The following CCDC171 variants were observed in gnomAD, a reference collection of about 807,000 sequenced individuals.
CCDC171 encodes the protein coiled-coil domain containing 171.
A neutral mutation model predicts 168.2 loss-of-function variants in CCDC171; 177 were observed. The ratio of observed to expected loss-of-function variants is 1.05; its 90% CI spans 0.93 to 1.19. The LOEUF is 1.19. Ranked by LOEUF, CCDC171 falls within the 50% of genes most tolerant of loss-of-function variation. The probability of loss-of-function intolerance (pLI) is 0.00; values close to 1 mark genes in which losing one functional copy is unlikely to be tolerated. For missense variants in CCDC171, 1,991 were observed against 1,539.0 expected (o/e 1.29, Z -4.91); for synonymous variants, 687 against 540.8 (o/e 1.27, Z -3.75).
rs570497438 is a variant in CCDC171 at position 15,692,759 on chromosome 9, C to G, written c.1216-2476C>G. ...AGCCCGTATGATGTGGATCTCCTGA[C>G]CTCGTGATCCACGCGCCTCGGCCTC... On this transcript the variant is annotated intron_variant, in intron 10 of 25. Transcript: ENST00000380701. Among the ~76,000 whole-genome samples the G allele has an allele frequency of 5.9e-5, 9 of 151,774 alleles. No homozygotes were observed. In the South Asian group the frequency reaches 1.2e-3, roughly 21 times the overall value.
chr9:15,757,208 T>G (rs1021549606), intron 18 of CCDC171, among the ~76,000 whole-genome samples: 13 of 152,350 alleles, frequency 8.5e-5, no homozygotes, highest in African/African-American at 3.1e-4. Flanking sequence ...AATTTGGAAC[T>G]TCTTAGAGAC....
Position 15,657,226 on chromosome 9 carries a change from T to C in CCDC171, c.915+7T>C. 6.4e-7 allele frequency: 1 copy of C among 1,566,218 alleles called. No individual in the cohort carries two copies. Among genetic ancestry groups the C allele is most frequent in the Non-Finnish European group, 8.8e-7 (1 of 1,139,016 alleles). ...TAATTCTGAAATTATTCAGGTAAAA[T>C]GTAAACAAATATTTTGGCCTGCATT... On this transcript the variant is annotated splice_region_variant and intron_variant, in intron 8 of 25. Coordinates refer to ENST00000380701, the MANE Select transcript of CCDC171 (RefSeq NM_173550.4).
chr9:15,746,346 G>T (rs539967604), intron 18 of CCDC171, among the ~76,000 whole-genome samples: 38 of 152,238 alleles, frequency 2.5e-4, no homozygotes, highest in African/African-American at 8.9e-4. Context: ...ATTCCACTGT[G>T]CAAATATAGA....
At chr9:15,863,333 C>T (rs2061638594) in intron 23 of CCDC171, among the ~76,000 whole-genome samples, 1 of 151,958 alleles carries the variant, frequency 6.6e-6, no homozygotes, top group African/African-American at 2.4e-5. Context: ...GCAGGAGCCT[C>T]TCAGCTACTT....
chr9:15,618,450 T>C (rs1317299291), intron 6 of CCDC171, among the ~76,000 whole-genome samples: 1 of 152,204 alleles, frequency 6.6e-6, no homozygotes, highest in Admixed American at 6.5e-5. Flanking sequence ...CTTAGCTTGC[T>C]AGGCTCCGTG....
intron 25 of CCDC171, among the ~76,000 whole-genome samples, chr9:15,966,472 C>T (rs138386586): frequency 6.6e-6 from 1 of 152,284 alleles, no homozygotes; most frequent in East Asian, 1.9e-4. Flanking sequence ...AACCATTGAT[C>T]CAATCAATCT....
chr9:15,878,617 C>G (rs571656157), intron 24 of CCDC171, among the ~76,000 whole-genome samples: 1 of 152,168 alleles, frequency 6.6e-6, no homozygotes, highest in South Asian at 2.1e-4. Flanking sequence ...ACCTAGCACT[C>G]CCATTACTGA....
At position 15,952,901 on chromosome 9, in the gene CCDC171, T is replaced by A. The variant is rs147514146; in HGVS notation, c.3754-18708T>A. Among the ~76,000 whole-genome samples the A allele has an allele frequency of 7.2e-5, 11 of 152,324 alleles. No individual in the cohort carries two copies. In the East Asian group the frequency reaches 2.1e-3, roughly 29 times the overall value. ...CATTATACAAATGTTTCCACCTCCT[T>A]GGTTAATTTAATGCCTAGGTATTTT... is the stretch of plus-strand genomic sequence containing the variant. On this transcript the variant is annotated intron_variant, in intron 25 of 25. Coordinates refer to ENST00000380701, the MANE Select transcript of CCDC171 (RefSeq NM_173550.4).
chr9:15,673,352 T>C (rs1011542828), intron 9 of CCDC171, among the ~76,000 whole-genome samples: 4 of 152,220 alleles, frequency 2.6e-5, no homozygotes, highest in African/African-American at 4.8e-5. Context: ...TTTCTTTCTC[T>C]TGCGTGATTG....
chr9:15,580,345 A>G (rs1019193111), intron 4 of CCDC171, among the ~76,000 whole-genome samples: 1 of 152,214 alleles, frequency 6.6e-6, no homozygotes, highest in Non-Finnish European at 1.5e-5. Flanking sequence ...CAAATGCAAC[A>G]AAAACAAAGA....
chr9:16,093,458 TC>T, the CCDC171 span, among the ~76,000 whole-genome samples: 4 of 152,230 alleles, frequency 2.6e-5, no homozygotes, highest in Non-Finnish European at 5.9e-5. Context: ...CACTAACATT[TC>T]TTTTGAAGGA....
chr9:15,855,176 A>T (rs760638645), intron 23 of CCDC171, among the ~76,000 whole-genome samples: 1 of 151,750 alleles, frequency 6.6e-6, no homozygotes. Flanking sequence ...TATGATGTCA[A>T]AGTCTCCAAA....
the CCDC171 span, among the ~76,000 whole-genome samples, chr9:16,084,018 T>C: frequency 6.6e-6 from 1 of 152,244 alleles, no homozygotes; most frequent in Non-Finnish European, 1.5e-5. Context: ...ATGGTTTTTC[T>C]ACTTGAGTTA....
intron 24 of CCDC171, among the ~76,000 whole-genome samples, chr9:15,903,674 GGA>G (rs1198712574): frequency 1.3e-5 from 2 of 152,220 alleles, no homozygotes; most frequent in Non-Finnish European, 1.5e-5. Flanking sequence ...AAAGCTGGAT[GGA>G]GAATGACTTT....
At chr9:15,797,613 ATAT>A (rs1161700768) in intron 21 of CCDC171, among the ~76,000 whole-genome samples, 2 of 152,104 alleles carry the variant, frequency 1.3e-5, no homozygotes, top group South Asian at 2.1e-4. Context: ...TATATTAATA[ATAT>A]TATCTTTTAG....
intron 3 of CCDC171, among the ~76,000 whole-genome samples, chr9:16,016,078 G>GA (rs1244467588): frequency 6.6e-6 from 1 of 152,128 alleles, no homozygotes; most frequent in African/African-American, 2.4e-5. Flanking sequence ...CTATAAACAT[G>GA]AATGTACACA....
intron 8 of CCDC171, among the ~76,000 whole-genome samples, chr9:15,665,746 A>C (rs1322860779): frequency 6.6e-6 from 1 of 152,254 alleles, no homozygotes; most frequent in Non-Finnish European, 1.5e-5. Context: ...ACACTACTGC[A>C]CTTCAGCCTG....
At chr9:15,578,471 T>C (rs1288109388) in intron 3 of CCDC171, among the ~76,000 whole-genome samples, 3 of 149,740 alleles carry the variant, frequency 2.0e-5, no homozygotes, top group East Asian at 3.9e-4. Context: ...GGTCTGCCCA[T>C]GTGGCCCGGG....
At chr9:15,772,282 C>A (rs1230912119) in intron 18 of CCDC171, among the ~76,000 whole-genome samples, 1 of 152,110 alleles carries the variant, frequency 6.6e-6, no homozygotes. Context: ...TCTTCTAGTA[C>A]CAGTATCATA....
Sources: gnomAD v4.1 joint callset for allele counts (sites outside exome capture counted in the v4.1 genomes callset) on GRCh38, gnomAD v4.1.1 for gene constraint, MANE v1.5 for transcripts, NCBI Gene and HGNC (gene_info 2026-07-23, HGNC 2026-07-21) for gene names.